LY96: variants seen among roughly 807,000 people sequenced by gnomAD.
LY96 encodes myeloid differentiation protein-2.
Under a neutral mutation model 18.9 loss-of-function variants are expected in LY96, and 18 were observed. The ratio of observed to expected loss-of-function variants is 0.95; its 90% CI spans 0.66 to 1.41. The LOEUF (loss-of-function observed/expected upper bound fraction) is 1.41, where lower values mean the gene tolerates loss of function less well. Ranked by LOEUF, LY96 falls within the 40% of genes most tolerant of loss-of-function variation. The pLI is 0.00. For missense variants in LY96, 175 were observed against 182.4 expected (o/e 0.96, Z 0.23); for synonymous variants, 66 against 62.6 (o/e 1.06, Z -0.26).
chr8:74,026,188 T>C (rs921471530), intron 3 of LY96, among the ~76,000 whole-genome samples: 4 of 152,248 alleles, frequency 2.6e-5, no homozygotes, highest in African/African-American at 9.6e-5. Context: ...TTGTTTGAGA[T>C]TCAAAACATA....
chr8:74,054,736 T>C, the LY96 span, among the ~76,000 whole-genome samples: 1 of 149,388 alleles, frequency 6.7e-6, no homozygotes, highest in South Asian at 2.1e-4. Flanking sequence ...TGATCATGGC[T>C]CACCACAGCC....
At chr8:73,996,381 C>CA (rs1816139817) in intron 1 of LY96, among the ~76,000 whole-genome samples, 49 of 42,296 alleles carry the variant, frequency 1.2e-3, no homozygotes, top group Admixed American at 3.8e-3. Context: ...TCCTTTCTTT[C>CA]TTTCTTTCTT....
chr8:74,000,064 G>T (rs1274578126), intron 1 of LY96, among the ~76,000 whole-genome samples: 1 of 152,132 alleles, frequency 6.6e-6, no homozygotes, highest in African/African-American at 2.4e-5. Context: ...TTGACTGTGG[G>T]TTTTTCACAT....
At chr8:74,010,236 T>C in intron 3 of LY96, 107 bp downstream of exon 3, 1 of 1,066,622 alleles carries the variant, frequency 9.4e-7, no homozygotes, top group Non-Finnish European at 1.4e-6. Context: ...TGCTAATAAT[T>C]CTTTTTCCAT....
chr8:74,095,966 G>A, the LY96 span, among the ~76,000 whole-genome samples: 1 of 152,138 alleles, frequency 6.6e-6, no homozygotes, highest in Non-Finnish European at 1.5e-5. Flanking sequence ...CTTCCAAGTT[G>A]GCTTTCCTTG....
intron 3 of LY96, 100 bp downstream of exon 3, chr8:74,010,229 T>C: frequency 8.7e-7 from 1 of 1,154,088 alleles, no homozygotes; most frequent in South Asian, 1.3e-5. Flanking sequence ...CCTTTTCTGC[T>C]AATAATTCTT....
chr8:74,080,828 C>T, the LY96 span, among the ~76,000 whole-genome samples: 1 of 152,166 alleles, frequency 6.6e-6, no homozygotes, highest in African/African-American at 2.4e-5. Context: ...GGAATAAAAG[C>T]TCGATTTCCT....
intron 1 of LY96, among the ~76,000 whole-genome samples, chr8:73,999,489 G>C (rs1211660858): frequency 6.6e-6 from 1 of 151,852 alleles, no homozygotes; most frequent in Non-Finnish European, 1.5e-5. Flanking sequence ...TGAATTCCTG[G>C]ACTCAAGCGA....
chr8:74,076,193 A>G, the LY96 span, among the ~76,000 whole-genome samples: 1 of 151,752 alleles, frequency 6.6e-6, no homozygotes, highest in Non-Finnish European at 1.5e-5. Context: ...CGCAGTTGGG[A>G]TGTAGGTTCT....
the LY96 span, among the ~76,000 whole-genome samples, chr8:74,087,405 A>C: frequency 2.6e-5 from 4 of 152,316 alleles, no homozygotes; most frequent in Admixed American, 1.3e-4. Context: ...GTCATTAAGA[A>C]AGGAAATTGT....
chr8:74,025,308 A>G (rs546048141), intron 3 of LY96, among the ~76,000 whole-genome samples: 3 of 152,192 alleles, frequency 2.0e-5, no homozygotes, highest in Non-Finnish European at 4.4e-5. Flanking sequence ...GATTATGAAG[A>G]CATGATCACT....
At chr8:74,012,482 A>T (rs1363601834) in intron 3 of LY96, among the ~76,000 whole-genome samples, 1 of 152,218 alleles carries the variant, frequency 6.6e-6, no homozygotes, top group Non-Finnish European at 1.5e-5. Context: ...GTGCTAAAAA[A>T]TGTGTACACA....
chr8:74,016,138 A>G (rs1016996196), intron 3 of LY96, among the ~76,000 whole-genome samples: 1 of 152,238 alleles, frequency 6.6e-6, no homozygotes, highest in Admixed American at 6.5e-5. Context: ...CTGTACCAGG[A>G]AAATTGGGAC....
At chr8:74,088,351 A>G in the LY96 span, among the ~76,000 whole-genome samples, 2 of 152,094 alleles carry the variant, frequency 1.3e-5, no homozygotes, top group East Asian at 3.9e-4. Context: ...CTCTTTGTCT[A>G]TGTCCAGGAA....
chr8:74,049,551 C>T, the LY96 span, among the ~76,000 whole-genome samples: 3 of 151,688 alleles, frequency 2.0e-5, no homozygotes, highest in Non-Finnish European at 4.4e-5. Flanking sequence ...AAAATAAGGG[C>T]GAAAGGAAAT....
intron 3 of LY96, among the ~76,000 whole-genome samples, chr8:74,015,452 T>G (rs1407595480): frequency 1.3e-5 from 2 of 152,196 alleles, no homozygotes; most frequent in African/African-American, 4.8e-5. Context: ...GATGGTCATC[T>G]TCTTCCTGGG....
the LY96 span, among the ~76,000 whole-genome samples, chr8:74,035,725 C>T: frequency 2.0e-4 from 31 of 152,186 alleles, no homozygotes; most frequent in Non-Finnish European, 3.8e-4. Flanking sequence ...TACCTGGAGG[C>T]TTCATCTGTG....
chr8:74,053,425 T>A, the LY96 span, among the ~76,000 whole-genome samples: 1 of 152,212 alleles, frequency 6.6e-6, no homozygotes, highest in African/African-American at 2.4e-5. Context: ...AATTCCCATC[T>A]TCCCCTACTC....
chr8:74,076,074 C>T, the LY96 span, among the ~76,000 whole-genome samples: 8 of 152,152 alleles, frequency 5.3e-5, no homozygotes, highest in Admixed American at 3.3e-4. Flanking sequence ...CCTCCTTTCT[C>T]GGTCGCTGAA....
Sources: gnomAD v4.1 joint callset for allele counts (sites outside exome capture counted in the v4.1 genomes callset) on GRCh38, gnomAD v4.1.1 for gene constraint, MANE v1.5 for transcripts, NCBI Gene and HGNC (gene_info 2026-07-23, HGNC 2026-07-21) for gene names.